The following CHERP variants were observed in gnomAD, a reference collection of about 807,000 sequenced individuals.
CHERP encodes the protein calcium homeostasis endoplasmic reticulum protein, also known as ERPROT 213-21.
A neutral mutation model predicts 113.8 loss-of-function variants in CHERP; 8 were observed. The ratio of observed to expected loss-of-function variants is 0.07; its 90% CI spans 0.04 to 0.13. The LOEUF is 0.13. Ranked by LOEUF, CHERP falls within the 10% of genes least tolerant of loss-of-function variation. The pLI, the probability that CHERP is intolerant of heterozygous loss-of-function variation, is 1.00. For missense variants in CHERP, 884 were observed against 1,298.2 expected (o/e 0.68, Z 4.90); for synonymous variants, 559 against 524.5 (o/e 1.07, Z -0.90).
intron 8 of CHERP, among the ~76,000 whole-genome samples, chr19:16,528,486 C>G (rs1362880901): frequency 6.6e-6 from 1 of 152,216 alleles, no homozygotes; most frequent in Non-Finnish European, 1.5e-5. Context: ...TTACAAGAAA[C>G]AGGCCTCACT....
chr19:16,519,699 C>A lies in CHERP; in HGVS notation c.2479G>T (p.Gly827Cys). The A allele has an allele frequency of 1.2e-6, 2 of 1,613,880 alleles. No homozygotes were observed. Among genetic ancestry groups the A allele is most frequent in the Non-Finnish European group, 1.7e-6 (2 of 1,179,854 alleles). ...SPTPPSSAGL[G>C]SNSAPPIPDS... The stretch of plus-strand genomic sequence containing the variant: ...GGGATGGGAGGCGCCGAATTAGAAC[C>A]CAGACCAGCAGAGGAACTAAAATCG... The change falls in exon 16 of 17, where the codon GGT (glycine) becomes TGT (cysteine). Residue 827 changes from glycine (G) to cysteine (C), a missense_variant. Gly to Cys is a radical substitution (Grantham distance 159). Transcript: ENST00000546361. The surrounding 1 kb of genome is among the most constrained non-coding windows in gnomAD (Gnocchi z 6.0).
Position 16,521,597 on chromosome 19 carries a change from T to C in CHERP, c.2038A>G (p.Met680Val). The change falls in exon 12 of 17, where the codon ATG (methionine) becomes GTG (valine). Residue 680 changes from methionine to valine, a missense_variant. Physicochemically the swap from Met to Val is conservative, Grantham distance 21 (BLOSUM62 1). Coordinates refer to ENST00000546361, the MANE Select transcript of CHERP (RefSeq NM_006387.6). ...DPKDIRLPPP[M>V]PPSERLLAAV... ...GCCAGCAGCCTCTCGCTGGGCGGCA[T>C]GGGGGGTGGGAGGCGGATGTCTTTA... 6.2e-7 allele frequency: 1 copy of C among 1,608,714 alleles called. No individual in the cohort carries two copies. The highest frequency in any genetic ancestry group is 8.5e-7 in the Non-Finnish European group (1 of 1,177,634).
At position 16,520,060 on chromosome 19, in the gene CHERP, A is replaced by G; in HGVS notation, c.2462+89T>C. The G allele has an allele frequency of 7.3e-7, 1 of 1,374,774 alleles. No homozygotes were observed. Among genetic ancestry groups the G allele is most frequent in the South Asian group, 1.2e-5 (1 of 80,908 alleles). The allele number at this position is 1,374,774 out of a possible 1,614,324, so 85.2% of individuals were successfully genotyped here. On this transcript the variant is annotated intron_variant, in intron 15 of 16. Coordinates refer to ENST00000546361, the MANE Select transcript of CHERP (RefSeq NM_006387.6). The surrounding 1 kb of genome is among the most constrained non-coding windows in gnomAD (Gnocchi z 4.0). ...GCTAATGCTGGCGGCCTCCTAACAC[A>G]GTCTCCTAACCACCAATGTTTCCAC...
In CHERP at chr19:16,535,820, A is replaced by C. The variant is rs1259012964; in HGVS notation, c.200-184T>G. 6.6e-6 allele frequency among the ~76,000 whole-genome samples: 1 copy of C among 151,872 alleles called. No individual in the cohort carries two copies. The highest frequency in any genetic ancestry group is 1.5e-5 in the Non-Finnish European group (1 of 67,932). Reference sequence around the variant, plus strand: ...AGTCTCGGGTCCTGCCCTCCCTCTCACAGGATCCCAGCCTCAGCATTCCAT... The same window carrying C: ...AGTCTCGGGTCCTGCCCTCCCTCTCCCAGGATCCCAGCCTCAGCATTCCAT... On this transcript the variant is annotated intron_variant, in intron 2 of 16. Transcript: ENST00000546361. The surrounding 1 kb of genome is among the most constrained non-coding windows in gnomAD (Gnocchi z 4.3).
chr19:16,526,494 G>A (rs2085658484), intron 9 of CHERP, among the ~76,000 whole-genome samples: 1 of 152,196 alleles, frequency 6.6e-6, no homozygotes, highest in South Asian at 2.1e-4. Context: ...ATTTGAGACA[G>A]TCTCGCTCTG....
rs2085590380 is a variant in CHERP, at chr19:16,519,752, C to T, written c.2463-37G>A. ...ACAGGTTATTCTTTTTAAGAAGTAA[C>T]TGAGACATTTATTGGAATGACAGTG... On this transcript the variant is annotated intron_variant, in intron 15 of 16. Coordinates refer to ENST00000546361, the MANE Select transcript of CHERP (RefSeq NM_006387.6). This position sits in a 1 kb window ranked among gnomAD's most constrained non-coding sequence, Gnocchi z 6.0. The T allele has an allele frequency of 6.5e-7, 1 of 1,537,144 alleles. No individual in the cohort carries two copies. The highest frequency in any genetic ancestry group is 9.0e-7 in the Non-Finnish European group (1 of 1,110,348).
intron 9 of CHERP, among the ~76,000 whole-genome samples, chr19:16,526,531 G>C (rs902972991): frequency 5.9e-5 from 9 of 152,130 alleles, no homozygotes; most frequent in Non-Finnish European, 1.2e-4. Flanking sequence ...GCAGTGGCGC[G>C]ATCTTGGCTC....
Position 16,525,498 on chromosome 19 carries a change from G to A in CHERP, c.1485C>T (p.Pro495=), listed in dbSNP as rs2122256066. The change falls in exon 10 of 17, where the codon CCC becomes CCT. Residue 495 remains proline (P), a synonymous_variant. Transcript: ENST00000546361. The surrounding 1 kb of genome is among the most constrained non-coding windows in gnomAD (Gnocchi z 6.5). The part of the protein sequence containing the change: ...DAAWNSQFEG[P]WNSQHEQPPW... Reference sequence around the variant, plus strand: ...GCGGCTGCTCGTGCTGGCTGTTCCAGGGGCCCTCGAACTGGCTGTTCCAGG... The same window carrying A: ...GCGGCTGCTCGTGCTGGCTGTTCCAAGGGCCCTCGAACTGGCTGTTCCAGG... 2 of 1,553,236 alleles carry A rather than the reference G, an allele frequency of 1.3e-6. No homozygotes were observed. Among genetic ancestry groups the A allele is most frequent in the Non-Finnish European group, 1.7e-6 (2 of 1,150,806 alleles).
chr19:16,522,984 T>C, intron 11 of CHERP, 68 bp downstream of exon 11: 1 of 1,465,742 alleles, frequency 6.8e-7, no homozygotes, highest in Non-Finnish European at 9.0e-7. Context: ...TGCATTCACT[T>C]TTCACAAGGA....
rs2085572183 is a variant in CHERP, at chr19:16,518,643, T to G, written c.*516A>C. 6.5e-6 allele frequency: 1 copy of G among 153,872 alleles called. No individual in the cohort carries two copies. The highest frequency in any genetic ancestry group is 2.0e-4 in the South Asian group (1 of 4,950). 9.5% of individuals were successfully genotyped at this position (153,872 alleles called of 1,614,324 possible). Reference sequence around the variant, plus strand: ...AAGTCAAAGTTTTGTGTTTCTGTTTTTCAATCCGCGGGCAGTCATGGCACT... The same window carrying G: ...AAGTCAAAGTTTTGTGTTTCTGTTTGTCAATCCGCGGGCAGTCATGGCACT... On this transcript the variant is annotated 3_prime_UTR_variant, in exon 17 of 17. Coordinates refer to ENST00000546361, the MANE Select transcript of CHERP (RefSeq NM_006387.6).
In CHERP at chr19:16,519,713, G is replaced by A. The variant is rs1188412547; in HGVS notation, c.2465C>T (p.Ser822Phe). Residue 822 changes from serine to phenylalanine, a missense_variant and splice_region_variant, in exon 16 of 17, where the codon TCC (serine) becomes TTC (phenylalanine). Coordinates refer to ENST00000546361, the MANE Select transcript of CHERP (RefSeq NM_006387.6). This position sits in a 1 kb window ranked among gnomAD's most constrained non-coding sequence, Gnocchi z 6.0. Reference sequence around the variant, plus strand: ...CGAATTAGAACCCAGACCAGCAGAGGAACTAAAATCGAGACAGGTTATTCT... The same window carrying A: ...CGAATTAGAACCCAGACCAGCAGAGAAACTAAAATCGAGACAGGTTATTCT... ...RSRSRSPTPP[S>F]SAGLGSNSAP... The A allele has an allele frequency of 3.1e-6, 5 of 1,612,648 alleles. No homozygotes were observed. Among genetic ancestry groups the A allele is most frequent in the South Asian group, 1.1e-5 (1 of 91,032 alleles).
At position 16,542,054 on chromosome 19, in the gene CHERP, G is replaced by C; in HGVS notation, c.26-11C>G. ...TTCGAAGCTCCTGGTCTGGAGGACG[G>C]AGAAAAGGCCACGCGGGGCGTCAGC... On this transcript the variant is annotated splice_polypyrimidine_tract_variant and intron_variant, in intron 1 of 16. Coordinates refer to ENST00000546361, the MANE Select transcript of CHERP (RefSeq NM_006387.6). The C allele has an allele frequency of 6.2e-7, 1 of 1,605,000 alleles. No individual in the cohort carries two copies. The highest frequency in any genetic ancestry group is 1.1e-5 in the South Asian group (1 of 90,360).
intron 11 of CHERP, among the ~76,000 whole-genome samples, chr19:16,522,594 T>C (rs2085627031): frequency 6.6e-6 from 1 of 152,134 alleles, no homozygotes; most frequent in South Asian, 2.1e-4. Flanking sequence ...TCTTGCCCTA[T>C]GCTCCGGCCA....
intron 2 of CHERP, among the ~76,000 whole-genome samples, chr19:16,537,710 T>C (rs931454037): frequency 6.6e-6 from 1 of 151,948 alleles, no homozygotes; most frequent in African/African-American, 2.4e-5. Context: ...GGATCTGCTG[T>C]CACCTGCGTC....
chr19:16,529,787 C>T lies in CHERP; in HGVS notation c.990G>A (p.Gln330=). The T allele has an allele frequency of 6.2e-7, 1 of 1,613,296 alleles. No individual in the cohort carries two copies. The highest frequency in any genetic ancestry group is 8.5e-7 in the Non-Finnish European group (1 of 1,179,884). Residue 330 remains glutamine, a synonymous_variant, in exon 8 of 17, where the codon CAG becomes CAA. Coordinates refer to ENST00000546361, the MANE Select transcript of CHERP (RefSeq NM_006387.6). ...QHEEFVTSLA[Q]QQQQQQQQQQ... is the part of the protein sequence containing the mutation. ...GCTGCTGTTGCTGCTGCTGCTGCTG[C>T]TGGGCCAGGCTGGTGACAAACTCCT...
At position 16,535,701 on chromosome 19, in the gene CHERP, C is replaced by CA. The variant is rs137983917; in HGVS notation, c.200-66dup. ...ATGGGGGTCTAGGTGTCCCCTTGGC[C>CA]ACCTCTCAGCCACAGGGGCCTCCCC... On this transcript the variant is annotated intron_variant, in intron 2 of 16. Coordinates refer to ENST00000546361, the MANE Select transcript of CHERP (RefSeq NM_006387.6). This position sits in a 1 kb window ranked among gnomAD's most constrained non-coding sequence, Gnocchi z 4.3. 4.7e-4 allele frequency: 655 copies of CA among 1,405,446 alleles called. 1 individual carries two copies. In the African/African-American group the frequency reaches 7.6e-3, roughly 16 times the overall value. The allele number at this position is 1,405,446 out of a possible 1,614,324, so 87.1% of individuals were successfully genotyped here. A position where few individuals can be genotyped will look rare whatever the true frequency, so the allele number is the denominator to read the frequency against.
In CHERP at chr19:16,532,467, G is replaced by T; in HGVS notation, c.674+131C>A. 8.5e-7 allele frequency: 1 copy of T among 1,170,278 alleles called. No homozygotes were observed. The highest frequency in any genetic ancestry group is 2.6e-5 in the East Asian group (1 of 38,116). The allele number at this position is 1,170,278 out of a possible 1,614,324, so 72.5% of individuals were successfully genotyped here. A position where few individuals can be genotyped will look rare whatever the true frequency, so the allele number is the denominator to read the frequency against. ...GGCTCACAGAGACCCCCCACCCGGG[G>T]TCCCCGGACAAGTGCCCCCTAGTCT... is the stretch of plus-strand genomic sequence containing the variant. On this transcript the variant is annotated intron_variant, in intron 5 of 16. Transcript: ENST00000546361. The surrounding 1 kb of genome is among the most constrained non-coding windows in gnomAD (Gnocchi z 4.4).
chr19:16,542,178 G>T, intron 1 of CHERP, 135 bp from the exon 2 acceptor site: 1 of 1,136,148 alleles, frequency 8.8e-7, no homozygotes, highest in Non-Finnish European at 1.2e-6. Context: ...CCTTGTACGG[G>T]TCCCGATAGG....
In CHERP at chr19:16,530,163, C is replaced by T. The variant is rs1013561504; in HGVS notation, c.877-263G>A. Among the ~76,000 whole-genome samples, 22 of 152,338 alleles carry T rather than the reference C, an allele frequency of 1.4e-4. No homozygotes were observed. Among genetic ancestry groups the T allele is most frequent in the East Asian group, 1.3e-3 (7 of 5,194 alleles). On this transcript the variant is annotated intron_variant, in intron 7 of 16. Coordinates refer to ENST00000546361, the MANE Select transcript of CHERP (RefSeq NM_006387.6). This position sits in a 1 kb window ranked among gnomAD's most constrained non-coding sequence, Gnocchi z 4.1. ...CGAGCAACGACAGCCGTGTCCTGGCCGCTTCGTGGCTGCTCAGCGAACACT... is the reference window on the plus strand; with the variant it reads ...CGAGCAACGACAGCCGTGTCCTGGCTGCTTCGTGGCTGCTCAGCGAACACT...
Sources: gnomAD v4.1 joint callset for allele counts (sites outside exome capture counted in the v4.1 genomes callset) on GRCh38, gnomAD v4.1.1 for gene constraint, Gnocchi (gnomAD v3.1) non-coding constraint, MANE v1.5 for transcripts, NCBI Gene and HGNC (gene_info 2026-07-23, HGNC 2026-07-21) for gene names.